Variants in SLC35D2 observed in about 807,000 individuals in gnomAD.
The protein encoded by SLC35D2 is solute carrier family 35 member D2, also known as nucleotide sugar transporter SLC35D2.
A neutral mutation model predicts 41.8 loss-of-function variants in SLC35D2; 43 were observed. That is an observed-to-expected ratio of 1.03 (90% CI 0.81 to 1.33). The LOEUF (loss-of-function observed/expected upper bound fraction) is 1.33. Among genes scored for constraint, SLC35D2 ranks in the 40% most tolerant of loss-of-function variants. The probability of loss-of-function intolerance (pLI) is 0.00; values close to 1 mark genes in which losing one functional copy is unlikely to be tolerated. For synonymous variants in SLC35D2, 150 were observed against 163.9 expected, an observed-to-expected ratio of 0.92 and a Z score of 0.65; for missense variants, 380 against 408.4, an observed-to-expected ratio of 0.93 and a Z score of 0.60.
chr9:96,379,898 CT>C lies in SLC35D2; in HGVS notation c.158+3578del, dbSNP rs372665048. Among the ~76,000 whole-genome samples, 831 of 135,316 alleles carry C rather than the reference CT, an allele frequency of 6.1e-3. 3 individuals are homozygous for C. Among genetic ancestry groups the C allele is most frequent in the Middle Eastern group, 0.019 (5 of 260 alleles). The allele number at this position is 135,316 out of a possible 152,430, so 88.8% of individuals were successfully genotyped here. A position where few individuals can be genotyped will look rare whatever the true frequency, so the allele number is the denominator to read the frequency against. On this transcript the variant is annotated intron_variant, in intron 1 of 11. Transcript: ENST00000253270. ...AAGTTAAAGATAGAAAGGCTAGAGC[CT>C]TTTTTTTTTTTTTTTTGAGACAGAG...
At chr9:96,335,219 G>A (rs1828994545) in intron 9 of SLC35D2, among the ~76,000 whole-genome samples, 1 of 152,142 alleles carries the variant, frequency 6.6e-6, no homozygotes, top group South Asian at 2.1e-4. Flanking sequence ...TATGGGAGAA[G>A]GTACCAATGC....
chr9:96,367,858 C>T (rs192562294), intron 2 of SLC35D2, among the ~76,000 whole-genome samples: 1 of 152,044 alleles, frequency 6.6e-6, no homozygotes, highest in African/African-American at 2.4e-5. Context: ...GTGGGTCCCA[C>T]CCCATCTCTC....
chr9:96,349,674 T>C (rs1226577063), intron 6 of SLC35D2, among the ~76,000 whole-genome samples: 2 of 152,006 alleles, frequency 1.3e-5, no homozygotes, highest in African/African-American at 4.8e-5. Context: ...TATAGGCACC[T>C]GCCACCACAC....
At chr9:96,339,189 C>T (rs1006040327) in intron 8 of SLC35D2, among the ~76,000 whole-genome samples, 1 of 152,112 alleles carries the variant, frequency 6.6e-6, no homozygotes, top group African/African-American at 2.4e-5. Context: ...CAGCTCACTG[C>T]AACCTCCACC....
intron 6 of SLC35D2, 183 bp downstream of exon 6, chr9:96,350,920 C>G (rs1328732999): frequency 2.0e-6 from 1 of 498,122 alleles, no homozygotes; most frequent in African/African-American, 1.9e-5. Context: ...AATTTTCTGG[C>G]CAATGTGGGA....
At chr9:96,364,693 A>G (rs1830408560) in intron 2 of SLC35D2, 143 bp from the exon 3 acceptor site, 4 of 665,628 alleles carry the variant, frequency 6.0e-6, no homozygotes, top group South Asian at 4.8e-5. Context: ...AAAAATAACT[A>G]TTTCTTAGAA....
intron 4 of SLC35D2, among the ~76,000 whole-genome samples, chr9:96,352,512 G>A (rs922643104): frequency 1.3e-5 from 2 of 151,910 alleles, no homozygotes; most frequent in Non-Finnish European, 2.9e-5. Context: ...AGAAGAGACA[G>A]AGTTTTGCCA....
rs539576375 is a variant in SLC35D2 at position 96,371,474 on chromosome 9, C to CAAAAAAAAAAAAAAAAAAAA, written c.159-3189_159-3170dup. 5.1e-4 allele frequency among the ~76,000 whole-genome samples: 24 copies of CAAAAAAAAAAAAAAAAAAAA among 46,648 alleles called. 1 individual carries two copies. Among genetic ancestry groups the CAAAAAAAAAAAAAAAAAAAA allele is most frequent in the South Asian group, 1.4e-3 (1 of 690 alleles). 30.6% of individuals were successfully genotyped at this position (46,648 alleles called of 152,430 possible). A position where few individuals can be genotyped will look rare whatever the true frequency, so the allele number is the denominator to read the frequency against. On this transcript the variant is annotated intron_variant, in intron 1 of 11. Transcript: ENST00000253270. ...TGGGTGACAGAGCGAGACTCTGTCT[C>CAAAAAAAAAAAAAAAAAAAA]AAAAAAAAAAAAAAAAAAAAAAAAA... is the stretch of plus-strand genomic sequence containing the variant.
chr9:96,356,138 C>G (rs1830011843), intron 4 of SLC35D2, among the ~76,000 whole-genome samples: 1 of 152,220 alleles, frequency 6.6e-6, no homozygotes, highest in African/African-American at 2.4e-5. Flanking sequence ...ACAGCACCCC[C>G]TCTCTTGCCA....
intron 9 of SLC35D2, among the ~76,000 whole-genome samples, chr9:96,330,503 C>G (rs886272033): frequency 6.6e-6 from 1 of 152,176 alleles, no homozygotes; most frequent in African/African-American, 2.4e-5. Flanking sequence ...TATTTAGTTG[C>G]ATCCATCTGA....
At chr9:96,355,403 GA>G (rs1829980248) in intron 4 of SLC35D2, among the ~76,000 whole-genome samples, 1 of 151,846 alleles carries the variant, frequency 6.6e-6, no homozygotes, top group Non-Finnish European at 1.5e-5. Context: ...AGGATGGCTT[GA>G]GCACAGGAGG....
chr9:96,329,551 G>C (rs1487969330), intron 9 of SLC35D2, among the ~76,000 whole-genome samples: 12 of 152,152 alleles, frequency 7.9e-5, no homozygotes, highest in Admixed American at 7.2e-4. Flanking sequence ...TTTCTCACCT[G>C]CATTTTCACA....
At chr9:96,339,850 G>C (rs1829234974) in intron 8 of SLC35D2, among the ~76,000 whole-genome samples, 1 of 152,304 alleles carries the variant, frequency 6.6e-6, no homozygotes, top group Middle Eastern at 3.4e-3. Context: ...TATTGACTGT[G>C]TAAGTCCAAA....
intron 4 of SLC35D2, among the ~76,000 whole-genome samples, chr9:96,356,938 T>C (rs1830051317): frequency 6.6e-6 from 1 of 151,978 alleles, no homozygotes. Context: ...TCCCAGCACT[T>C]TGGGAGGCCG....
At chr9:96,321,926 T>C in intron 11 of SLC35D2, 72 bp downstream of exon 11, 2 of 865,638 alleles carry the variant, frequency 2.3e-6, no homozygotes, top group Non-Finnish European at 3.8e-6. Context: ...GCTCTTTTGC[T>C]TATTACATAT....
rs1176055430 is a variant in SLC35D2, at chr9:96,336,727, A to AGG, written c.740_741dup (p.Cys248ProfsTer8). On this transcript the variant is annotated frameshift_variant, in exon 9 of 12. Coordinates refer to ENST00000253270, the MANE Select transcript of SLC35D2 (RefSeq NM_007001.3). LOFTEE classifies it high-confidence loss of function. ...TCTATGGTTTCTTACCCCAAAAAAC[A>AGG]GGAAAGAAGAAACTGTAGGATAAAC... 6.3e-6 allele frequency: 10 copies of AGG among 1,581,068 alleles called. No homozygotes were observed. The highest frequency in any genetic ancestry group is 8.7e-6 in the Non-Finnish European group (10 of 1,155,710).
chr9:96,344,051 T>C, intron 7 of SLC35D2, 55 bp from the exon 8 acceptor site: 1 of 1,132,818 alleles, frequency 8.8e-7, no homozygotes, highest in Non-Finnish European at 1.3e-6. Flanking sequence ...AGGCACAGAT[T>C]TCCTGGAGCC....
At chr9:96,331,869 G>A (rs1016245550) in intron 9 of SLC35D2, among the ~76,000 whole-genome samples, 5 of 152,200 alleles carry the variant, frequency 3.3e-5, no homozygotes, top group Non-Finnish European at 7.3e-5. Flanking sequence ...CTGCGCATTT[G>A]AGGGATGTAG....
intron 9 of SLC35D2, among the ~76,000 whole-genome samples, chr9:96,329,932 A>G (rs568015116): frequency 6.6e-6 from 1 of 152,354 alleles, no homozygotes; most frequent in African/African-American, 2.4e-5. Context: ...TCCCACAATT[A>G]TGGAGGCTAA....
Sources: gnomAD v4.1 joint callset for allele counts (sites outside exome capture counted in the v4.1 genomes callset) on GRCh38, gnomAD v4.1.1 for gene constraint, MANE v1.5 for transcripts, NCBI Gene and HGNC (gene_info 2026-07-23, HGNC 2026-07-21) for gene names.